Variants in LRRIQ1 observed in about 807,000 individuals in gnomAD.
The protein encoded by LRRIQ1 is leucine-rich repeat- and IQ domain-containing protein 1.
In LRRIQ1, 210 loss-of-function variants were observed where a neutral mutation model predicts 211.9. The ratio of observed to expected loss-of-function variants is 0.99; its 90% confidence interval spans 0.89 to 1.11. LRRIQ1 has a LOEUF of 1.11. LRRIQ1 is among the 50% of genes most tolerant of loss of function. The probability of loss-of-function intolerance (pLI) is 0.00; values close to 1 mark genes in which losing one functional copy is unlikely to be tolerated. For synonymous variants in LRRIQ1, 699 were observed against 650.1 expected (o/e 1.08, Z -1.14); for missense variants, 2,136 against 1,939.5 (o/e 1.10, Z -1.90).
chr12:85,099,302 TTGGA>T, intron 13 of LRRIQ1, among the ~76,000 whole-genome samples: 1 of 151,800 alleles, frequency 6.6e-6, no homozygotes. Flanking sequence ...AGCATAGTCC[TTGGA>T]AAATACAGGA....
chr12:85,173,229 A>C (rs1241513171), intron 24 of LRRIQ1, among the ~76,000 whole-genome samples: 1 of 152,212 alleles, frequency 6.6e-6, no homozygotes, highest in East Asian at 1.9e-4. Flanking sequence ...AATTCTGTAA[A>C]TACTGTCTCT....
intron 1 of LRRIQ1, among the ~76,000 whole-genome samples, chr12:85,253,480 A>G (rs1331065057): frequency 6.6e-6 from 1 of 151,988 alleles, no homozygotes; most frequent in Non-Finnish European, 1.5e-5. Flanking sequence ...CATCTAAGGA[A>G]CCTTTCAACA....
At chr12:85,203,869 G>C (rs565929843) in intron 24 of LRRIQ1, among the ~76,000 whole-genome samples, 98 of 152,262 alleles carry the variant, frequency 6.4e-4, no homozygotes, top group African/African-American at 2.3e-3. Context: ...ATTTTCCGAG[G>C]AGAAGGTCAA....
rs2136011076 is a variant in LRRIQ1, at chr12:85,058,990, G to C, written c.2391+1806G>C. On this transcript the variant is annotated intron_variant, in intron 8 of 26. Coordinates refer to ENST00000393217, the MANE Select transcript of LRRIQ1 (RefSeq NM_001079910.2). ...AAAATACATGTGAATGTGCCATATA[G>C]ATGCTAAAATGTTAAGAAAATATCA... Among the ~76,000 whole-genome samples, 2 of 152,086 alleles carry C rather than the reference G, an allele frequency of 1.3e-5. 1 individual carries two copies. Among genetic ancestry groups the C allele is most frequent in the South Asian group, 4.2e-4 (2 of 4,816 alleles).
At chr12:85,103,934 A>T in intron 13 of LRRIQ1, 70 bp from the exon 14 acceptor site, 1 of 711,660 alleles carries the variant, frequency 1.4e-6, no homozygotes, top group South Asian at 2.1e-5. Flanking sequence ...GTATTGTTAT[A>T]TAGTTACAAT....
rs376562471 is a variant in LRRIQ1 at position 85,071,644 on chromosome 12, C to T, written c.2696-1263C>T. Among the ~76,000 whole-genome samples, 17 of 151,872 alleles carry T rather than the reference C, an allele frequency of 1.1e-4. No individual in the cohort carries two copies. In the South Asian group the frequency reaches 1.5e-3, roughly 13 times the overall value. ...CTCATGCTGCTGATAAAGACATAGC[C>T]GAGAATGGGTGATTTATAAAGGAAA... On this transcript the variant is annotated intron_variant, in intron 10 of 26. Coordinates refer to ENST00000393217, the MANE Select transcript of LRRIQ1 (RefSeq NM_001079910.2).
At chr12:85,050,166 C>A (rs530571291) in intron 6 of LRRIQ1, among the ~76,000 whole-genome samples, 86 of 152,278 alleles carry the variant, frequency 5.6e-4, no homozygotes, top group Non-Finnish European at 1.0e-3. Context: ...ATGATCCAAA[C>A]ACCTCCCACC....
Position 85,055,633 on chromosome 12 carries a change from A to G in LRRIQ1, c.840A>G (p.Leu280=). ...AAGAAAAAGAAAAAAATTCTTTGTT[A>G]AAACAGCAGAATAATGCAGCTGTTA... ...DQQEKEKNSL[L]KQQNNAAVKI... Residue 280 remains leucine, a synonymous_variant, in exon 8 of 27, where the codon TTA becomes TTG. Coordinates refer to ENST00000393217, the MANE Select transcript of LRRIQ1 (RefSeq NM_001079910.2). The G allele has an allele frequency of 1.9e-6, 3 of 1,581,482 alleles. No individual in the cohort carries two copies. Among genetic ancestry groups the G allele is most frequent in the Non-Finnish European group, 2.6e-6 (3 of 1,170,600 alleles).
At chr12:85,180,197 C>T (rs891960903) in intron 24 of LRRIQ1, among the ~76,000 whole-genome samples, 2 of 151,852 alleles carry the variant, frequency 1.3e-5, no homozygotes, top group Admixed American at 1.3e-4. Flanking sequence ...TAATCATTTC[C>T]TACTGAAGTT....
In LRRIQ1 at chr12:85,056,246, G is replaced by T; in HGVS notation, c.1453G>T (p.Glu485Ter). Residue 485 changes from glutamate (E) to a stop codon, truncating the protein, a stop_gained, in exon 8 of 27, where the codon GAA becomes TAA. Transcript: ENST00000393217. LOFTEE classifies it high-confidence loss of function. ...AGATTTTAAAATGGAAGAAAAAAAT[G>T]AAAACCTAGCAAAAAAACGATGTTC... ...LADFKMEEKN[E>*]NLAKKRCSEE... The T allele has an allele frequency of 6.4e-7, 1 of 1,571,886 alleles. No homozygotes were observed. Among genetic ancestry groups the T allele is most frequent in the South Asian group, 1.2e-5 (1 of 82,532 alleles).
chr12:85,050,469 C>T (rs1481485391), intron 6 of LRRIQ1, among the ~76,000 whole-genome samples: 1 of 152,170 alleles, frequency 6.6e-6, no homozygotes, highest in African/African-American at 2.4e-5. Flanking sequence ...CATTGTCTTT[C>T]TTTCTGAGTT....
chr12:85,127,063 T>G (rs1190171752), intron 17 of LRRIQ1, among the ~76,000 whole-genome samples: 2 of 152,216 alleles, frequency 1.3e-5, no homozygotes, highest in African/African-American at 2.4e-5. Flanking sequence ...GCACTTTGAC[T>G]ACACTCTTTA....
At position 85,152,327 on chromosome 12, in the gene LRRIQ1, T is replaced by C; in HGVS notation, c.4377T>C (p.Pro1459=). The change falls in exon 20 of 27, where the codon CCT becomes CCC. Residue 1459 remains proline, a synonymous_variant. Coordinates refer to ENST00000393217, the MANE Select transcript of LRRIQ1 (RefSeq NM_001079910.2). ...EWLALDSTRF[P]SQTLLLSNQL... is the part of the protein sequence containing the mutation. ...TAGCATTAGATTCCACCCGCTTCCC[T>C]TCACAAACACTGCTTCTTTCAAACC... The C allele has an allele frequency of 6.2e-7, 1 of 1,611,496 alleles. No homozygotes were observed. Among genetic ancestry groups the C allele is most frequent in the Non-Finnish European group, 8.5e-7 (1 of 1,178,402 alleles).
chr12:85,053,531 G>A (rs577385048), intron 7 of LRRIQ1, among the ~76,000 whole-genome samples: 9 of 152,062 alleles, frequency 5.9e-5, no homozygotes, highest in Non-Finnish European at 1.5e-5. Context: ...TTCAAAAAAC[G>A]TAAGTATTCA....
At chr12:85,108,837 G>A (rs1231265566) in intron 15 of LRRIQ1, among the ~76,000 whole-genome samples, 1 of 152,158 alleles carries the variant, frequency 6.6e-6, no homozygotes, top group Non-Finnish European at 1.5e-5. Context: ...AACATGCTAA[G>A]TATAGGGGAA....
Position 85,104,081 on chromosome 12 carries a change from A to C in LRRIQ1, c.3283+4A>C. On this transcript the variant is annotated splice_donor_region_variant and intron_variant, in intron 14 of 26. Transcript: ENST00000393217. ...GTCAGCCACAATTGTCTTTCTGGTA[A>C]GTTTAGCATAATATATATATTTTAA... The C allele has an allele frequency of 6.9e-7, 1 of 1,459,848 alleles. No homozygotes were observed. 90.4% of individuals were successfully genotyped at this position (1,459,848 alleles called of 1,614,324 possible).
chr12:85,046,156 T>A lies in LRRIQ1; in HGVS notation c.454+19T>A, dbSNP rs763788334. On this transcript the variant is annotated intron_variant, in intron 5 of 26. Coordinates refer to ENST00000393217, the MANE Select transcript of LRRIQ1 (RefSeq NM_001079910.2). ...TTACCAGGTGGACTAAATTGCTCAA[T>A]GATATGTTTGTTGATTTTTATATGA... 6.5e-6 allele frequency: 9 copies of A among 1,392,274 alleles called. No homozygotes were observed. In the Admixed American group the frequency reaches 1.6e-4, roughly 25 times the overall value. 86.2% of individuals were successfully genotyped at this position (1,392,274 alleles called of 1,614,324 possible).
At chr12:85,189,937 ATAT>A (rs909931684) in intron 24 of LRRIQ1, among the ~76,000 whole-genome samples, 14 of 143,000 alleles carry the variant, frequency 9.8e-5, no homozygotes, top group Non-Finnish European at 1.7e-4. Flanking sequence ...AATAATAATT[ATAT>A]TATTGTATTA....
intron 15 of LRRIQ1, 130 bp downstream of exon 15, chr12:85,106,745 C>T: frequency 1.5e-6 from 1 of 655,032 alleles, no homozygotes; most frequent in Non-Finnish European, 2.6e-6. Flanking sequence ...CATTTTAAAC[C>T]AAAAAAGTTT....
Sources: gnomAD v4.1 joint callset for allele counts (sites outside exome capture counted in the v4.1 genomes callset) on GRCh38, gnomAD v4.1.1 for gene constraint, MANE v1.5 for transcripts, NCBI Gene and HGNC (gene_info 2026-07-23, HGNC 2026-07-21) for gene names.